TENM2: variants seen among roughly 807,000 people sequenced by gnomAD.
The protein encoded by TENM2 is teneurin-2.
In TENM2, 52 loss-of-function variants were observed where a neutral mutation model predicts 245.2. The observed-to-expected ratio is 0.21, with a 90% CI of 0.17 to 0.27. The LOEUF (loss-of-function observed/expected upper bound fraction) is 0.27, where lower values mean the gene tolerates loss of function less well. Ranked by LOEUF, TENM2 falls within the 10% of genes least tolerant of loss-of-function variation. The pLI, the probability that TENM2 is intolerant of heterozygous loss-of-function variation, is 1.00. For missense variants in TENM2, 3,046 were observed against 3,666.8 expected, an observed-to-expected ratio of 0.83 and a Z score of 4.37; for synonymous variants, 1,363 against 1,438.9, an observed-to-expected ratio of 0.95 and a Z score of 1.19.
intron 2 of TENM2, among the ~76,000 whole-genome samples, chr5:167,465,187 C>T (rs1766566449): frequency 6.6e-6 from 1 of 152,318 alleles, no homozygotes; most frequent in African/African-American, 2.4e-5. Context: ...TAATGCATAG[C>T]CAGAACTCTG....
chr5:167,075,247 C>A, the TENM2 span, among the ~76,000 whole-genome samples: 5 of 152,036 alleles, frequency 3.3e-5, no homozygotes, highest in Non-Finnish European at 7.4e-5. Flanking sequence ...TAGAATGGAG[C>A]CTGCCATGGA....
rs1763994717 is a variant in TENM2, at chr5:167,428,199, GA to G, written c.502+52727del. ...CATGCTGTCTCCTCAATAGATATATGAGTTTTTTAAAAAATTAATTACTATT... is the reference window on the plus strand; with the variant it reads ...CATGCTGTCTCCTCAATAGATATATGGTTTTTTAAAAAATTAATTACTATT... On this transcript the variant is annotated intron_variant, in intron 2 of 28. Coordinates refer to ENST00000518659, the Ensembl canonical transcript of TENM2. Among the ~76,000 whole-genome samples the G allele has an allele frequency of 3.9e-5, 6 of 152,250 alleles. No individual in the cohort carries two copies. In the South Asian group the frequency reaches 1.2e-3, roughly 32 times the overall value.
At chr5:167,925,023 G>A (rs1399464266) in intron 3 of TENM2, among the ~76,000 whole-genome samples, 1 of 152,088 alleles carries the variant, frequency 6.6e-6, no homozygotes, top group Non-Finnish European at 1.5e-5. Flanking sequence ...CCACTCATCA[G>A]TATTGACCCC....
intron 2 of TENM2, among the ~76,000 whole-genome samples, chr5:167,408,281 A>G (rs1046451931): frequency 2.0e-5 from 3 of 152,126 alleles, no homozygotes; most frequent in Non-Finnish European, 4.4e-5. Context: ...TGCTTGGAAA[A>G]AGCAATGAAA....
intron 2 of TENM2, among the ~76,000 whole-genome samples, chr5:167,628,443 T>C (rs998804475): frequency 1.2e-4 from 18 of 152,224 alleles, no homozygotes; most frequent in Non-Finnish European, 2.4e-4. Flanking sequence ...TCCCTCGTGG[T>C]ATTATGCTTT....
chr5:167,753,351 C>T (rs1294498904), intron 2 of TENM2, among the ~76,000 whole-genome samples: 2 of 152,134 alleles, frequency 1.3e-5, no homozygotes, highest in African/African-American at 4.8e-5. Flanking sequence ...CTCTGTATTT[C>T]CTAATAGACC....
chr5:168,180,079 A>C (rs887264569), intron 13 of TENM2, among the ~76,000 whole-genome samples: 1 of 152,196 alleles, frequency 6.6e-6, no homozygotes, highest in Non-Finnish European at 1.5e-5. Flanking sequence ...CCTGATCACC[A>C]AAAGCCCTGC....
intron 5 of TENM2, 44 bp downstream of exon 7, chr5:167,993,226 A>C (rs1203985693): frequency 6.7e-7 from 1 of 1,500,370 alleles, no homozygotes; most frequent in Admixed American, 1.7e-5. Flanking sequence ...GGATGACAAC[A>C]TGAGGGGAGA....
chr5:167,621,463 T>C (rs566528682), intron 2 of TENM2, among the ~76,000 whole-genome samples: 7 of 152,128 alleles, frequency 4.6e-5, no homozygotes, highest in Non-Finnish European at 8.8e-5. Flanking sequence ...AGTAGCAGGA[T>C]CCAGGGAAAG....
intron 2 of TENM2, among the ~76,000 whole-genome samples, chr5:167,849,248 C>A (rs1770337888): frequency 6.6e-6 from 1 of 152,002 alleles, no homozygotes; most frequent in Non-Finnish European, 1.5e-5. Context: ...CCTCCTGCCC[C>A]CTCTTATCTC....
At chr5:167,355,627 T>C (rs1355367954) in intron 1 of TENM2, among the ~76,000 whole-genome samples, 1 of 152,130 alleles carries the variant, frequency 6.6e-6, no homozygotes, top group Non-Finnish European at 1.5e-5. Context: ...AACCATTGTC[T>C]CCTTTGAAAG....
chr5:167,164,130 C>T, the TENM2 span, among the ~76,000 whole-genome samples: 133 of 152,270 alleles, frequency 8.7e-4, no homozygotes, highest in African/African-American at 2.9e-3. Flanking sequence ...AAGAACATCT[C>T]TCATCTCAGT....
At chr5:167,564,964 C>T (rs77430230) in intron 2 of TENM2, among the ~76,000 whole-genome samples, 5,446 of 152,196 alleles carry the variant, frequency 0.036, 204 homozygotes, top group East Asian at 0.14. Flanking sequence ...TGTGAATACA[C>T]GAAGGTAAGA....
intron 7 of TENM2, among the ~76,000 whole-genome samples, chr5:168,088,460 G>T (rs1306728452): frequency 6.6e-6 from 1 of 152,186 alleles, no homozygotes; most frequent in South Asian, 2.1e-4. Context: ...TTGAGAAATG[G>T]AGAAAATTTC....
intron 7 of TENM2, among the ~76,000 whole-genome samples, chr5:168,086,613 C>T (rs1792480682): frequency 6.6e-6 from 1 of 152,142 alleles, no homozygotes; most frequent in Non-Finnish European, 1.5e-5. Context: ...ACAGACACAT[C>T]CTTCTATTGG....
chr5:167,783,399 C>T (rs1764339720), intron 2 of TENM2, among the ~76,000 whole-genome samples: 1 of 152,166 alleles, frequency 6.6e-6, no homozygotes. Context: ...ACCCACATGG[C>T]ACTGGCGGCA....
intron 2 of TENM2, among the ~76,000 whole-genome samples, chr5:167,539,936 T>C (rs982079259): frequency 2.6e-5 from 4 of 152,220 alleles, no homozygotes; most frequent in African/African-American, 9.6e-5. Flanking sequence ...CAGACGCTAA[T>C]TAGCAAATAT....
chr5:167,434,319 T>C (rs992438789), intron 2 of TENM2, among the ~76,000 whole-genome samples: 2 of 144,760 alleles, frequency 1.4e-5, no homozygotes, highest in Non-Finnish European at 3.0e-5. Flanking sequence ...GAGGCTGAGG[T>C]AGGAGAATCG....
At chr5:167,395,904 G>A (rs1054428303) in intron 2 of TENM2, among the ~76,000 whole-genome samples, 1 of 152,022 alleles carries the variant, frequency 6.6e-6, no homozygotes, top group Non-Finnish European at 1.5e-5. Flanking sequence ...ACTACAATGA[G>A]ATACCATCTC....
Sources: allele counts gnomAD v4.1 joint callset (sites outside exome capture counted in the v4.1 genomes callset), GRCh38; gene constraint gnomAD v4.1.1; transcripts MANE v1.5; gene names NCBI Gene and HGNC (gene_info 2026-07-23, HGNC 2026-07-21).